The following TPD52L2 variants were observed in gnomAD, a reference collection of about 807,000 sequenced individuals.
The protein encoded by TPD52L2 is tumor protein D54.
TPD52L2 carries 19 observed loss-of-function variants against 24.7 expected under a neutral mutation model. That is an observed-to-expected ratio of 0.77 (90% CI 0.54 to 1.13). The LOEUF is 1.13. Among genes scored for constraint, TPD52L2 ranks in the 50% most tolerant of loss-of-function variants. TPD52L2 has a pLI of 0.00. For missense variants in TPD52L2, 236 were observed against 250.4 expected (o/e 0.94, Z 0.39); for synonymous variants, 104 against 100.2 (o/e 1.04, Z -0.23).
intron 5 of TPD52L2, chr20:63,887,843 T>A (rs2053191771): frequency 7.0e-6 from 4 of 575,300 alleles, no homozygotes; most frequent in Non-Finnish European, 1.2e-5. Flanking sequence ...TGTGTCAAAC[T>A]GGGCCGTGTC....
chr20:63,889,326 A>C (rs1238631664), intron 6 of TPD52L2, 88 bp downstream of exon 6: 1 of 1,134,396 alleles, frequency 8.8e-7, no homozygotes, highest in Non-Finnish European at 1.3e-6. Context: ...GTTATGGTAG[A>C]CTCACATACA....
chr20:63,887,713 A>G, intron 5 of TPD52L2: 1 of 1,172,966 alleles, frequency 8.5e-7, no homozygotes, highest in Admixed American at 1.8e-5. Context: ...GGATTAATTG[A>G]GGACTCCATT....
At chr20:63,883,548 T>G (rs1174556604) in intron 5 of TPD52L2, among the ~76,000 whole-genome samples, 2 of 152,146 alleles carry the variant, frequency 1.3e-5, no homozygotes, top group African/African-American at 4.8e-5. Flanking sequence ...GTGGATGATA[T>G]AGGTTGTCAC....
intron 2 of TPD52L2, 71 bp downstream of exon 2, chr20:63,869,512 G>A: frequency 1.3e-6 from 2 of 1,576,248 alleles, no homozygotes; most frequent in Middle Eastern, 1.7e-4. Context: ...GAGAGGCCAG[G>A]GTACTGGCCA....
rs1194574595 is a variant in TPD52L2, at chr20:63,886,137, G to A, written c.477-3053G>A. ...GCCCTTGGGCGGCTGTGCTAGTAGAGGGCAGTGAAAGTGGGATCACCCCTT... is the reference window on the plus strand; with the variant it reads ...GCCCTTGGGCGGCTGTGCTAGTAGAAGGCAGTGAAAGTGGGATCACCCCTT... On this transcript the variant is annotated intron_variant, in intron 5 of 6. Coordinates refer to ENST00000346249, the MANE Select transcript of TPD52L2 (RefSeq NM_003288.4). The A allele has an allele frequency of 2.2e-5, 28 of 1,294,040 alleles. No individual in the cohort carries two copies. The East Asian group carries it at 2.5e-4, about 12-fold the overall frequency. The allele number at this position is 1,294,040 out of a possible 1,614,324, so 80.2% of individuals were successfully genotyped here.
At chr20:63,885,884 T>C in intron 5 of TPD52L2, 1 of 882,206 alleles carries the variant, frequency 1.1e-6, no homozygotes, top group Non-Finnish European at 1.9e-6. Flanking sequence ...TCCTGGAGGG[T>C]CTTCCCCTGC....
At chr20:63,887,438 C>G (rs2053173229) in intron 5 of TPD52L2, 2 of 1,039,494 alleles carry the variant, frequency 1.9e-6, no homozygotes, top group Admixed American at 1.7e-5. Context: ...GAGGGGCAGG[C>G]AGCTCGCTCC....
At chr20:63,866,778 AT>A (rs923758701) in intron 1 of TPD52L2, among the ~76,000 whole-genome samples, 12 of 85,150 alleles carry the variant, frequency 1.4e-4, no homozygotes, top group Non-Finnish European at 1.5e-4. Context: ...TTTTTTTTTA[AT>A]TTTTTTTTTG....
At chr20:63,867,416 AT>A (rs1356853007) in intron 1 of TPD52L2, among the ~76,000 whole-genome samples, 1 of 152,178 alleles carries the variant, frequency 6.6e-6, no homozygotes, top group Non-Finnish European at 1.5e-5. Context: ...AAATAAAAAA[AT>A]TAACCGGGCA....
At chr20:63,866,831 G>T (rs1260545005) in intron 1 of TPD52L2, among the ~76,000 whole-genome samples, 2 of 149,820 alleles carry the variant, frequency 1.3e-5, no homozygotes, top group African/African-American at 4.9e-5. Flanking sequence ...GAGTGCAGTG[G>T]TGCAATCATA....
At chr20:63,866,802 C>T (rs1358902533) in intron 1 of TPD52L2, among the ~76,000 whole-genome samples, 3 of 145,426 alleles carry the variant, frequency 2.1e-5, no homozygotes, top group African/African-American at 7.7e-5. Context: ...GACAGCGTCT[C>T]CCTCTGTCTC....
intron 3 of TPD52L2, 100 bp from the exon 4 acceptor site, chr20:63,875,716 A>C (rs2052646994): frequency 1.6e-6 from 2 of 1,239,684 alleles, no homozygotes; most frequent in Non-Finnish European, 2.3e-6. Context: ...TGTTCCTGCC[A>C]GCTGGTCCCT....
intron 3 of TPD52L2, among the ~76,000 whole-genome samples, chr20:63,874,827 TCAC>T: frequency 6.6e-6 from 1 of 152,106 alleles, no homozygotes; most frequent in African/African-American, 2.4e-5. Context: ...TGTGGCATGG[TCAC>T]AGCCTCTGAC....
At position 63,890,229 on chromosome 20, in the gene TPD52L2, T is replaced by C. The variant is rs889791577; in HGVS notation, c.*284T>C. On this transcript the variant is annotated 3_prime_UTR_variant, in exon 7 of 7. Coordinates refer to ENST00000346249, the MANE Select transcript of TPD52L2 (RefSeq NM_003288.4). ...ACAGGGCGGAGGGTTTGAAAGAATA[T>C]TGAGCCAAAGCCCAGGCTCCCTTTG... 2 of 600,008 alleles carry C rather than the reference T, an allele frequency of 3.3e-6. No individual in the cohort carries two copies. Among genetic ancestry groups the C allele is most frequent in the Admixed American group, 3.5e-5 (1 of 28,208 alleles). The allele number at this position is 600,008 out of a possible 1,614,324, so 37.2% of individuals were successfully genotyped here.
intron 5 of TPD52L2, among the ~76,000 whole-genome samples, chr20:63,886,400 G>A (rs535966959): frequency 4.0e-4 from 60 of 150,616 alleles, no homozygotes; most frequent in East Asian, 2.7e-3. Flanking sequence ...TTGCTCTGTC[G>A]CCCAGGTTGG....
chr20:63,889,012 C>G, intron 5 of TPD52L2, 178 bp from the exon 6 acceptor site: 2 of 636,654 alleles, frequency 3.1e-6, no homozygotes, highest in Middle Eastern at 4.2e-4. Flanking sequence ...TGGCCGACCT[C>G]ACTTTTGACC....
At chr20:63,868,372 A>G (rs6062560) in intron 1 of TPD52L2, among the ~76,000 whole-genome samples, 6,326 of 152,308 alleles carry the variant, frequency 0.042, 369 homozygotes, top group East Asian at 0.25. Context: ...TGAAGAAAAA[A>G]CAGTGGCTGC....
At position 63,877,087 on chromosome 20, in the gene TPD52L2, G is replaced by A. The variant is rs771511948; in HGVS notation, c.374+1212G>A. The A allele has an allele frequency of 1.4e-5, 6 of 413,824 alleles. No individual in the cohort carries two copies. Among genetic ancestry groups the A allele is most frequent in the African/African-American group, 6.2e-5 (3 of 48,028 alleles). 25.6% of individuals were successfully genotyped at this position (413,824 alleles called of 1,614,324 possible). On this transcript the variant is annotated intron_variant, in intron 4 of 6. Coordinates refer to ENST00000346249, the MANE Select transcript of TPD52L2 (RefSeq NM_003288.4). This position sits in a 1 kb window ranked among gnomAD's most constrained non-coding sequence, Gnocchi z 4.1. Reference sequence around the variant, plus strand: ...GTCTCCCAGGCTGGAGTGCAGTGGCGCCATCTGGGCTCACTGCAAGCTCCG... The same window carrying A: ...GTCTCCCAGGCTGGAGTGCAGTGGCACCATCTGGGCTCACTGCAAGCTCCG...
chr20:63,876,076 A>T lies in TPD52L2; in HGVS notation c.374+201A>T, dbSNP rs74877438. Among the ~76,000 whole-genome samples the T allele has an allele frequency of 6.5e-3, 988 of 152,110 alleles. 4 individuals carry two copies. Among genetic ancestry groups the T allele is most frequent in the African/African-American group, 0.022 (933 of 41,478 alleles). ...AGGGAATAGTAGCTGAGAGAAACTC[A>T]CTCAGCCACCTGACCACACTTAAAA... On this transcript the variant is annotated intron_variant, in intron 4 of 6. Transcript: ENST00000346249.
Sources: allele counts gnomAD v4.1 joint callset (sites outside exome capture counted in the v4.1 genomes callset), GRCh38; gene constraint gnomAD v4.1.1; non-coding constraint Gnocchi (gnomAD v3.1); transcripts MANE v1.5; gene names NCBI Gene and HGNC (gene_info 2026-07-23, HGNC 2026-07-21).